The following GALNT16 variants were observed in gnomAD, a reference collection of about 807,000 sequenced individuals.
GALNT16 encodes polypeptide N-acetylgalactosaminyltransferase 16.
Under a neutral mutation model 76.1 loss-of-function variants are expected in GALNT16, and 40 were observed. The observed-to-expected ratio is 0.53, with a 90% CI of 0.41 to 0.68. The LOEUF (loss-of-function observed/expected upper bound fraction) is 0.68. Ranked by LOEUF, GALNT16 falls within the 30% of genes least tolerant of loss-of-function variation. GALNT16 has a pLI of 0.00. For missense variants in GALNT16, 621 were observed against 731.9 expected, an observed-to-expected ratio of 0.85 and a Z score of 1.75; for synonymous variants, 276 against 285.2, an observed-to-expected ratio of 0.97 and a Z score of 0.32.
chr14:69,295,763 T>A (rs541911991), intron 1 of GALNT16, among the ~76,000 whole-genome samples: 1 of 150,120 alleles, frequency 6.7e-6, no homozygotes, highest in Admixed American at 6.7e-5. Context: ...CCATTGTTCT[T>A]TCATCGAAAC....
At chr14:69,343,558 T>C (rs919142110) in intron 12 of GALNT16, among the ~76,000 whole-genome samples, 21 of 152,312 alleles carry the variant, frequency 1.4e-4, no homozygotes, top group Non-Finnish European at 2.5e-4. Context: ...TTTATGAAAA[T>C]GCAACTTCCT....
chr14:69,340,993 C>T (rs977827014), intron 11 of GALNT16, among the ~76,000 whole-genome samples: 1 of 152,292 alleles, frequency 6.6e-6, no homozygotes, highest in African/African-American at 2.4e-5. Flanking sequence ...ATATCTATCT[C>T]CCTTTTTTTG....
chr14:69,321,519 C>A (rs140707349), intron 2 of GALNT16, among the ~76,000 whole-genome samples: 51 of 152,308 alleles, frequency 3.3e-4, no homozygotes, highest in South Asian at 3.3e-3. Context: ...CCTGCCGTCA[C>A]CTGCACGAAC....
intron 1 of GALNT16, among the ~76,000 whole-genome samples, chr14:69,283,065 T>C (rs2044564881): frequency 6.6e-6 from 1 of 152,222 alleles, no homozygotes; most frequent in Admixed American, 6.5e-5. Context: ...TTCACTTCTG[T>C]ACCACCATAT....
intron 1 of GALNT16, among the ~76,000 whole-genome samples, chr14:69,277,100 C>T (rs761120523): frequency 6.6e-6 from 1 of 152,194 alleles, no homozygotes; most frequent in Non-Finnish European, 1.5e-5. Flanking sequence ...CCAGGACCTG[C>T]AGGCCAATCT....
chr14:69,302,465 T>C (rs1566871961), intron 1 of GALNT16, among the ~76,000 whole-genome samples: 2 of 152,242 alleles, frequency 1.3e-5, no homozygotes, highest in African/African-American at 4.8e-5. Flanking sequence ...GTAATATCTA[T>C]TTTATGAGCA....
chr14:69,292,357 G>A (rs964215153), intron 1 of GALNT16, among the ~76,000 whole-genome samples: 3 of 152,238 alleles, frequency 2.0e-5, no homozygotes, highest in African/African-American at 7.2e-5. Context: ...AGACAGAGGG[G>A]AAAAGGTGAG....
downstream of GALNT16, among the ~76,000 whole-genome samples, chr14:69,361,961 C>T (rs2045727186): frequency 6.6e-6 from 1 of 152,192 alleles, no homozygotes; most frequent in South Asian, 2.1e-4. Flanking sequence ...AAGCCGAAAT[C>T]ACGCCACTGC....
At chr14:69,336,877 G>C (rs768331143) in intron 9 of GALNT16, among the ~76,000 whole-genome samples, 1 of 151,686 alleles carries the variant, frequency 6.6e-6, no homozygotes, top group African/African-American at 2.4e-5. Context: ...GGTGCATGCC[G>C]CCACACCCGG....
At chr14:69,307,006 C>T (rs1387611939) in intron 1 of GALNT16, among the ~76,000 whole-genome samples, 1 of 152,230 alleles carries the variant, frequency 6.6e-6, no homozygotes, top group African/African-American at 2.4e-5. Flanking sequence ...AAACACACAT[C>T]TCTGTCCCTC....
Position 69,347,874 on chromosome 14 carries a change from C to G in GALNT16, c.1414-3C>G. On this transcript the variant is annotated splice_region_variant and splice_polypyrimidine_tract_variant and intron_variant, in intron 13 of 14. Coordinates refer to ENST00000448469, the MANE Select transcript of GALNT16 (RefSeq NM_001168368.2). ...CTTGGCCTTTCTGCTCCCTGCCTTG[C>G]AGGCATGGCTGTTCAGTGACCACCT... is the stretch of plus-strand genomic sequence containing the variant. 6.2e-7 allele frequency: 1 copy of G among 1,613,120 alleles called. No homozygotes were observed. Among genetic ancestry groups the G allele is most frequent in the Non-Finnish European group, 8.5e-7 (1 of 1,179,970 alleles).
Position 69,347,193 on chromosome 14 carries a change from G to T in GALNT16, c.1413+12G>T. ...CGCAGCCCGCCCAGGTAAGGACCTC[G>T]GGTAGGAATGGGAGTGGGAGAGAGC... On this transcript the variant is annotated intron_variant, in intron 13 of 14. Coordinates refer to ENST00000448469, the MANE Select transcript of GALNT16 (RefSeq NM_001168368.2). 6.3e-7 allele frequency: 1 copy of T among 1,594,218 alleles called. No individual in the cohort carries two copies. Among genetic ancestry groups the T allele is most frequent in the Middle Eastern group, 1.8e-4 (1 of 5,432 alleles).
chr14:69,281,584 A>T (rs1274057025), intron 1 of GALNT16, among the ~76,000 whole-genome samples: 2 of 151,898 alleles, frequency 1.3e-5, no homozygotes, highest in Non-Finnish European at 2.9e-5. Flanking sequence ...GGCGGTGGAA[A>T]TCTCTCTCCT....
rs2044279689 is a variant in GALNT16 at position 69,261,911 on chromosome 14, A to T, written c.177+1444A>T. On this transcript the variant is annotated intron_variant, in intron 1 of 14. Coordinates refer to ENST00000448469, the MANE Select transcript of GALNT16 (RefSeq NM_001168368.2). This position sits in a 1 kb window ranked among gnomAD's most constrained non-coding sequence, Gnocchi z 6.4. ...CCCTTCTGGGCTGTTCTCCCAGGACACTGTTTCCAAAGCACTTGTCGCCCT... is the reference window on the plus strand; with the variant it reads ...CCCTTCTGGGCTGTTCTCCCAGGACTCTGTTTCCAAAGCACTTGTCGCCCT... Among the ~76,000 whole-genome samples the T allele has an allele frequency of 6.6e-6, 1 of 152,168 alleles. No homozygotes were observed. The highest frequency in any genetic ancestry group is 1.5e-5 in the Non-Finnish European group (1 of 68,022).
At chr14:69,269,806 GTGTT>G (rs1211222226) in intron 1 of GALNT16, among the ~76,000 whole-genome samples, 3 of 150,306 alleles carry the variant, frequency 2.0e-5, no homozygotes, top group African/African-American at 7.4e-5. Flanking sequence ...GTGCATTTGT[GTGTT>G]TGTGTGTGTG....
intron 12 of GALNT16, among the ~76,000 whole-genome samples, chr14:69,343,115 G>A (rs551221775): frequency 6.6e-5 from 10 of 152,276 alleles, no homozygotes; most frequent in African/African-American, 1.9e-4. Flanking sequence ...TGCACAGTCC[G>A]TACGCCTCAA....
At chr14:69,375,658 G>T in the GALNT16 span, among the ~76,000 whole-genome samples, 3 of 151,578 alleles carry the variant, frequency 2.0e-5, no homozygotes, top group African/African-American at 7.3e-5. Flanking sequence ...TTATTTTATT[G>T]TGAGACAAGT....
chr14:69,303,996 GT>G (rs1236174987), intron 1 of GALNT16, among the ~76,000 whole-genome samples: 1 of 151,966 alleles, frequency 6.6e-6, no homozygotes, highest in Non-Finnish European at 1.5e-5. Flanking sequence ...TGATTTCTGC[GT>G]CATTTTTATA....
At position 69,339,600 on chromosome 14, in the gene GALNT16, A is replaced by C; in HGVS notation, c.1168A>C (p.Ile390Leu). Reference sequence around the variant, plus strand: ...CTACTATGAGGCCCGGCCCTCGGCCATCGGGAAGGCCTTCGGCAGGTGGGC... The same window carrying C: ...CTACTATGAGGCCCGGCCCTCGGCCCTCGGGAAGGCCTTCGGCAGGTGGGC... ...QYYYEARPSAIGKAFGSVATR... is the reference protein window; with the variant it reads ...QYYYEARPSALGKAFGSVATR... Residue 390 changes from isoleucine to leucine, a missense_variant, in exon 11 of 15, where the codon ATC becomes CTC. Coordinates refer to ENST00000448469, the MANE Select transcript of GALNT16 (RefSeq NM_001168368.2). 1.2e-6 allele frequency: 2 copies of C among 1,606,786 alleles called. No individual in the cohort carries two copies. The highest frequency in any genetic ancestry group is 2.2e-5 in the East Asian group (1 of 44,708).
Sources: allele counts gnomAD v4.1 joint callset (sites outside exome capture counted in the v4.1 genomes callset), GRCh38; gene constraint gnomAD v4.1.1; non-coding constraint Gnocchi (gnomAD v3.1); transcripts MANE v1.5; gene names NCBI Gene and HGNC (gene_info 2026-07-23, HGNC 2026-07-21).